Variants in CNKSR1 observed in about 807,000 individuals in gnomAD.
The protein encoded by CNKSR1 is CNK homolog protein 1.
In CNKSR1, 88 loss-of-function variants were observed where a neutral mutation model predicts 95.6. The observed-to-expected ratio is 0.92, with a 90% CI of 0.78 to 1.10. The LOEUF (loss-of-function observed/expected upper bound fraction) is 1.10, where lower values mean the gene tolerates loss of function less well. Among genes scored for constraint, CNKSR1 ranks in the 50% least tolerant of loss-of-function variants. CNKSR1 has a pLI of 0.00. For missense variants in CNKSR1, 836 were observed against 912.0 expected (o/e 0.92, Z 1.07); for synonymous variants, 355 against 369.7 (o/e 0.96, Z 0.46).
In CNKSR1 at chr1:26,184,483, A is replaced by C. The variant is rs1214411450; in HGVS notation, c.1083A>C (p.Pro361=). The C allele has an allele frequency of 6.2e-7, 1 of 1,612,546 alleles. No individual in the cohort carries two copies. The highest frequency in any genetic ancestry group is 1.3e-5 in the African/African-American group (1 of 74,896). ...AILPAGVAGT[P]GLPESPDKSP... Reference sequence around the variant, plus strand: ...TCCCAGCAGGGGTAGCAGGGACTCCAGGGCTCCCTGAATCCCCTGACAAGG... The same window carrying C: ...TCCCAGCAGGGGTAGCAGGGACTCCCGGGCTCCCTGAATCCCCTGACAAGG... The change falls in exon 12 of 21, where the codon CCA becomes CCC. Residue 361 remains proline, a synonymous_variant. Coordinates refer to ENST00000361530, the MANE Select transcript of CNKSR1 (RefSeq NM_006314.3).
chr1:26,180,926 C>A, intron 3 of CNKSR1, 30 bp downstream of exon 3: 1 of 1,613,614 alleles, frequency 6.2e-7, no homozygotes, highest in Admixed American at 1.7e-5. Flanking sequence ...GAGTGAGGGA[C>A]TATTGTCATC....
intron 14 of CNKSR1, among the ~76,000 whole-genome samples, chr1:26,186,263 G>A (rs1472037978): frequency 6.6e-6 from 1 of 152,230 alleles, no homozygotes; most frequent in Non-Finnish European, 1.5e-5. Context: ...TGTGTCTACT[G>A]AAGGAACAAA....
Position 26,189,385 on chromosome 1 carries a change from AGGGCCTGG to A in CNKSR1, c.1990_1997del (p.Ala664SerfsTer5). ...GAGCAGAACCGGGAGCTGTACTCAGAGGGCCTGGGGGCCTGGGGAGTGGCACAGGCTGA... is the reference window on the plus strand; with the variant it reads ...GAGCAGAACCGGGAGCTGTACTCAGAGGGCCTGGGGAGTGGCACAGGCTGA... On this transcript the variant is annotated frameshift_variant, in exon 21 of 21. Transcript: ENST00000361530. LOFTEE classifies it low-confidence loss of function (END_TRUNC). 6.2e-7 allele frequency: 1 copy of A among 1,613,940 alleles called. No homozygotes were observed. Among genetic ancestry groups the A allele is most frequent in the Non-Finnish European group, 8.5e-7 (1 of 1,179,828 alleles).
chr1:26,177,661 G>A (rs2088583117), intron 1 of CNKSR1, 62 bp downstream of exon 1: 4 of 1,592,870 alleles, frequency 2.5e-6, no homozygotes, highest in South Asian at 2.2e-5. Flanking sequence ...CCACCGGGAA[G>A]CGGGAGGAGA....
Position 26,185,140 on chromosome 1 carries a change from G to A in CNKSR1, c.1262G>A (p.Trp421Ter), listed in dbSNP as rs368996857. The A allele has an allele frequency of 1.5e-4, 239 of 1,575,342 alleles. No individual in the cohort carries two copies. Among genetic ancestry groups the A allele is most frequent in the Non-Finnish European group, 2.0e-4 (229 of 1,160,996 alleles). The change falls in exon 14 of 21, where the codon TGG (tryptophan) becomes TAG (stop). Residue 421 changes from tryptophan (W) to a stop codon, truncating the protein, a stop_gained. Coordinates refer to ENST00000361530, the MANE Select transcript of CNKSR1 (RefSeq NM_006314.3). LOFTEE classifies it high-confidence loss of function. ...GFMGPRWRRRWFVLKGHTLYW... is the reference protein window; with the variant it reads ...GFMGPRWRRR The stretch of plus-strand genomic sequence containing the variant: ...ATGGGCCCGCGCTGGCGCCGCCGCT[G>A]GTTTGTGCTCAAGGGACACACGCTC...
chr1:26,177,700 G>T, intron 1 of CNKSR1, 101 bp downstream of exon 1: 2 of 1,400,294 alleles, frequency 1.4e-6, no homozygotes, highest in Non-Finnish European at 2.0e-6. Context: ...TGCGGACTGG[G>T]TGCGCTGGTT....
At position 26,180,226 on chromosome 1, in the gene CNKSR1, G is replaced by A. The variant is rs1303012531; in HGVS notation, c.53-227G>A. On this transcript the variant is annotated intron_variant, in intron 1 of 20. Transcript: ENST00000361530. ...AATTTGCATTTCTAACAAGTTCTCC[G>A]GTGAGTCTGCTGCTGCTGGTCTGGG... is the stretch of plus-strand genomic sequence containing the variant. The A allele has an allele frequency of 7.2e-5, 43 of 593,438 alleles. 1 individual carries two copies. The highest frequency in any genetic ancestry group is 5.9e-4 in the South Asian group (30 of 50,746). 36.8% of individuals were successfully genotyped at this position (593,438 alleles called of 1,614,324 possible). A position where few individuals can be genotyped will look rare whatever the true frequency, so the allele number is the denominator to read the frequency against.
At chr1:26,188,339 C>A in intron 17 of CNKSR1, 32 bp downstream of exon 17, 1 of 1,612,870 alleles carries the variant, frequency 6.2e-7, no homozygotes, top group Non-Finnish European at 8.5e-7. Context: ...GTGGGAGGAA[C>A]CCTCACCTGA....
intron 9 of CNKSR1, 90 bp from the exon 10 acceptor site, chr1:26,183,981 T>G: frequency 7.1e-6 from 4 of 563,194 alleles, no homozygotes; most frequent in Admixed American, 2.3e-5. Context: ...CCCCCACAGG[T>G]ACCTGCTCCT....
At position 26,180,555 on chromosome 1, in the gene CNKSR1, G is replaced by T. The variant is rs372478085; in HGVS notation, c.155G>T (p.Arg52Leu). The T allele has an allele frequency of 3.1e-6, 5 of 1,614,064 alleles. No individual in the cohort carries two copies. The highest frequency in any genetic ancestry group is 2.7e-5 in the African/African-American group (2 of 74,916). The change falls in exon 2 of 21, where the codon CGG (arginine) becomes CTG (leucine). Residue 52 changes from arginine (R) to leucine (L), a missense_variant. Coordinates refer to ENST00000361530, the MANE Select transcript of CNKSR1 (RefSeq NM_006314.3). ...CAAAGCCTCGAGGCTCTGGCTGTGC[G>T]GTCTCTGGGACACCAGGAGCTCATC... Reference protein sequence around the residue: ...CPQSLEALAVRSLGHQELILG... With the variant: ...CPQSLEALAVLSLGHQELILG...
Position 26,182,479 on chromosome 1 carries a change from G to C in CNKSR1, c.520-1G>C, listed in dbSNP as rs2088663773. 3 of 1,613,922 alleles carry C rather than the reference G, an allele frequency of 1.9e-6. No individual in the cohort carries two copies. The highest frequency in any genetic ancestry group is 2.7e-5 in the African/African-American group (2 of 74,882). ...CTACATAGCCCGCTCCCCTCCCCCA[G>C]TGCAGCCACGTGGCTGGGATCTGCC... is the stretch of plus-strand genomic sequence containing the variant. On this transcript the variant is annotated splice_acceptor_variant, in intron 5 of 20. Transcript: ENST00000361530. LOFTEE classifies it high-confidence loss of function.
Position 26,187,271 on chromosome 1 carries a change from G to A in CNKSR1, c.1382+30G>A, listed in dbSNP as rs368986454. On this transcript the variant is annotated intron_variant, in intron 15 of 20. Transcript: ENST00000361530. The stretch of plus-strand genomic sequence containing the variant: ...AGTCTTGGGGTGTGATGGGCTGGGG[G>A]ATGGAGACAGAAAGGGAGAGGAAGG... 11 of 1,601,586 alleles carry A rather than the reference G, an allele frequency of 6.9e-6. No individual in the cohort carries two copies. The East Asian group carries it at 8.9e-5, about 13-fold the overall frequency.
At chr1:26,188,040 C>CT (rs2088786772) in intron 16 of CNKSR1, among the ~76,000 whole-genome samples, 194 bp from the exon 17 acceptor site, 1 of 152,000 alleles carries the variant, frequency 6.6e-6, no homozygotes, top group African/African-American at 2.4e-5. Context: ...GGGTGACAGA[C>CT]GCGAGCCACC....
At position 26,180,476 on chromosome 1, in the gene CNKSR1, T is replaced by G. The variant is rs1311066218; in HGVS notation, c.76T>G (p.Tyr26Asp). Residue 26 changes from tyrosine to aspartate, a missense_variant, in exon 2 of 21, where the codon TAT becomes GAT. Tyr to Asp is a radical substitution (Grantham distance 160). Coordinates refer to ENST00000361530, the MANE Select transcript of CNKSR1 (RefSeq NM_006314.3). The part of the protein sequence containing the change: ...LRGLDDSLQD[Y>D]PFEDWQLPGK... ...AGGTCTTGACGACTCCCTGCAGGACTATCCCTTTGAGGACTGGCAGCTGCC... is the reference window on the plus strand; with the variant it reads ...AGGTCTTGACGACTCCCTGCAGGACGATCCCTTTGAGGACTGGCAGCTGCC... The G allele has an allele frequency of 6.2e-7, 1 of 1,614,000 alleles. No homozygotes were observed. Among genetic ancestry groups the G allele is most frequent in the Non-Finnish European group, 8.5e-7 (1 of 1,180,046 alleles).
In CNKSR1 at chr1:26,180,436, C is replaced by A. The variant is rs1026482177; in HGVS notation, c.53-17C>A. On this transcript the variant is annotated splice_polypyrimidine_tract_variant and intron_variant, in intron 1 of 20. Transcript: ENST00000361530. ...GACACCTCTGCTTCCCCGAGCTGAG[C>A]CTTACTCTCCCTCCAGGTCTTGACG... is the stretch of plus-strand genomic sequence containing the variant. 1.2e-6 allele frequency: 2 copies of A among 1,613,300 alleles called. No individual in the cohort carries two copies. The highest frequency in any genetic ancestry group is 8.5e-7 in the Non-Finnish European group (1 of 1,180,056).
intron 1 of CNKSR1, 80 bp downstream of exon 1, chr1:26,177,679 G>GA (rs1234823017): frequency 2.4e-5 from 38 of 1,551,550 alleles, no homozygotes; most frequent in East Asian, 1.1e-4. Flanking sequence ...AGAGGAAAAG[G>GA]AAAAAAAATC....
rs774956523 is a variant in CNKSR1 at position 26,184,982 on chromosome 1, C to T, written c.1136-32C>T. On this transcript the variant is annotated intron_variant, in intron 13 of 20. Coordinates refer to ENST00000361530, the MANE Select transcript of CNKSR1 (RefSeq NM_006314.3). ...TTTAGCGGGGGCACCTTGCCAGCCCCTCACTGCCCAGCTTGTGCTGTGCTG... is the reference window on the plus strand; with the variant it reads ...TTTAGCGGGGGCACCTTGCCAGCCCTTCACTGCCCAGCTTGTGCTGTGCTG... 1.9e-6 allele frequency: 3 copies of T among 1,566,490 alleles called. No individual in the cohort carries two copies. In the African/African-American group the frequency reaches 4.0e-5, roughly 21 times the overall value.
At chr1:26,181,150 G>A (rs1482294237) in intron 3 of CNKSR1, 6 of 445,648 alleles carry the variant, frequency 1.3e-5, no homozygotes, top group African/African-American at 4.0e-5. Context: ...GTGTGGTGGT[G>A]CGCACCTGTA....
In CNKSR1 at chr1:26,187,149, C is replaced by T; in HGVS notation, c.1309-19C>T. On this transcript the variant is annotated intron_variant, in intron 14 of 20. Transcript: ENST00000361530. ...GGTATTGGGGTTCCAACCTGACCCT[C>T]ATGCTGTGATCCCCCCAGGATGAGA... 3 of 1,609,736 alleles carry T rather than the reference C, an allele frequency of 1.9e-6. No homozygotes were observed. The highest frequency in any genetic ancestry group is 2.6e-6 in the Non-Finnish European group (3 of 1,176,196).
Sources: allele counts gnomAD v4.1 joint callset (sites outside exome capture counted in the v4.1 genomes callset), GRCh38; gene constraint gnomAD v4.1.1; transcripts MANE v1.5; gene names NCBI Gene and HGNC (gene_info 2026-07-23, HGNC 2026-07-21).